INSL6: variants seen among roughly 807,000 people sequenced by gnomAD.
INSL6 encodes the protein insulin like 6.
A neutral mutation model predicts 9.4 loss-of-function variants in INSL6; 16 were observed. The ratio of observed to expected loss-of-function variants is 1.70; its 90% CI spans 1.15 to 2.59. INSL6 has a LOEUF of 2.59. INSL6 is among the 30% of genes most tolerant of loss of function. The pLI is 0.00. For synonymous variants in INSL6, 154 were observed against 96.9 expected (o/e 1.59, Z -3.46); for missense variants, 391 against 257.3 (o/e 1.52, Z -3.56).
chr9:5,119,070 A>G (rs1413744412), downstream of INSL6, among the ~76,000 whole-genome samples: 2 of 152,182 alleles, frequency 1.3e-5, no homozygotes, highest in Non-Finnish European at 2.9e-5. Context: ...AACATATTTT[A>G]TCATGTTTTA....
the INSL6 span, chr9:5,080,518 GTTC>G: frequency 6.4e-7 from 1 of 1,572,000 alleles, no homozygotes; most frequent in East Asian, 2.2e-5. Context: ...TCAGTTTGTG[GTTC>G]TTTAATTATA....
intron 3 of INSL6, chr9:5,126,816 C>G (rs1171920976): frequency 1.4e-6 from 2 of 1,418,374 alleles, no homozygotes; most frequent in South Asian, 2.3e-5. Flanking sequence ...ATTCTGAGAC[C>G]AAAGTAGATT....
intron 2 of INSL6, among the ~76,000 whole-genome samples, chr9:5,148,311 T>C (rs1448864989): frequency 6.6e-6 from 1 of 152,304 alleles, no homozygotes; most frequent in South Asian, 2.1e-4. Flanking sequence ...TTTGGTGTTA[T>C]AGTTTCGGCT....
At chr9:5,099,968 T>A in the INSL6 span, 1 of 152,192 alleles carries the variant, frequency 6.6e-6, no homozygotes. Flanking sequence ...ATGCCACTTA[T>A]CCCTATACTA....
At chr9:5,048,373 C>A in the INSL6 span, among the ~76,000 whole-genome samples, 11 of 152,072 alleles carry the variant, frequency 7.2e-5, no homozygotes, top group Non-Finnish European at 1.6e-4. Context: ...GAACTCCTGA[C>A]CTTGTCATCT....
At chr9:5,167,815 G>A (rs1165050293) in intron 1 of INSL6, among the ~76,000 whole-genome samples, 2 of 152,158 alleles carry the variant, frequency 1.3e-5, no homozygotes, top group African/African-American at 2.4e-5. Context: ...CAACAGGAGT[G>A]TTCTGCTGGC....
the INSL6 span, among the ~76,000 whole-genome samples, chr9:5,020,471 G>A: frequency 6.6e-6 from 1 of 152,186 alleles, no homozygotes; most frequent in African/African-American, 2.4e-5. Flanking sequence ...ATTTCCTGGT[G>A]GAATGTTCAG....
At chr9:5,055,923 T>C in the INSL6 span, 1 of 722,224 alleles carries the variant, frequency 1.4e-6, no homozygotes. Flanking sequence ...AAACATCAGT[T>C]CAGTAAACTT....
chr9:5,139,311 A>T (rs1332785919), intron 2 of INSL6, among the ~76,000 whole-genome samples: 1 of 152,152 alleles, frequency 6.6e-6, no homozygotes, highest in East Asian at 1.9e-4. Context: ...TCATAGTTGG[A>T]TTACTACATC....
intron 2 of INSL6, among the ~76,000 whole-genome samples, chr9:5,153,065 G>A (rs1824742651): frequency 6.6e-6 from 1 of 151,910 alleles, no homozygotes; most frequent in South Asian, 2.1e-4. Context: ...ATTCCTTCCA[G>A]TGCCTACACC....
At chr9:5,135,349 C>T (rs1351010027) in intron 2 of INSL6, among the ~76,000 whole-genome samples, 2 of 151,244 alleles carry the variant, frequency 1.3e-5, no homozygotes, top group African/African-American at 4.8e-5. Flanking sequence ...CAGACATCTA[C>T]AGAACTCTGC....
the INSL6 span, among the ~76,000 whole-genome samples, chr9:5,074,715 T>C: frequency 6.6e-6 from 1 of 152,172 alleles, no homozygotes; most frequent in African/African-American, 2.4e-5. Flanking sequence ...AATGTTCAAG[T>C]GAAAGGAAGA....
chr9:5,085,154 C>G, the INSL6 span: 1 of 648,440 alleles, frequency 1.5e-6, no homozygotes, highest in South Asian at 1.4e-5. Context: ...TACTGTGGAG[C>G]TCTGTCTACA....
At chr9:5,134,275 A>T (rs1824347702) in intron 2 of INSL6, among the ~76,000 whole-genome samples, 2 of 152,200 alleles carry the variant, frequency 1.3e-5, no homozygotes, top group South Asian at 4.1e-4. Flanking sequence ...TCTTCAGGAT[A>T]TTATCCACGA....
At chr9:5,083,501 A>G in the INSL6 span, among the ~76,000 whole-genome samples, 1 of 152,140 alleles carries the variant, frequency 6.6e-6, no homozygotes, top group Non-Finnish European at 1.5e-5. Flanking sequence ...CTTTTCTGGG[A>G]ACTTATAGCA....
At chr9:5,080,323 T>A in the INSL6 span, 2 of 1,614,012 alleles carry the variant, frequency 1.2e-6, no homozygotes, top group Admixed American at 1.7e-5. Flanking sequence ...TTGGTACCAC[T>A]TTGTGGGAAA....
chr9:5,082,543 T>G, the INSL6 span, among the ~76,000 whole-genome samples: 1 of 152,222 alleles, frequency 6.6e-6, no homozygotes, highest in African/African-American at 2.4e-5. Context: ...CAGGAGACAG[T>G]GGCCTTCCTC....
At chr9:5,111,008 G>A in the INSL6 span, 2 of 734,082 alleles carry the variant, frequency 2.7e-6, no homozygotes, top group Non-Finnish European at 4.6e-6. Flanking sequence ...GTTGCCAACG[G>A]GAAGGGCCGG....
intron 2 of INSL6, among the ~76,000 whole-genome samples, chr9:5,142,358 T>C (rs1436280176): frequency 1.3e-5 from 2 of 152,240 alleles, no homozygotes; most frequent in African/African-American, 4.8e-5. Flanking sequence ...TGGAATGTTT[T>C]TCCATTTGTT....
Sources: gnomAD v4.1 joint callset for allele counts (sites outside exome capture counted in the v4.1 genomes callset) on GRCh38, gnomAD v4.1.1 for gene constraint, MANE v1.5 for transcripts, NCBI Gene and HGNC (gene_info 2026-07-23, HGNC 2026-07-21) for gene names.